NUDT7: variants seen among roughly 807,000 people sequenced by gnomAD.
NUDT7 encodes the protein nudix hydrolase 7, also known as peroxisomal coenzyme A diphosphatase NUDT7.
A neutral mutation model predicts 13.1 loss-of-function variants in NUDT7; 19 were observed. The ratio of observed to expected loss-of-function variants is 1.45; its 90% confidence interval spans 1.01 to 2.13. The LOEUF (loss-of-function observed/expected upper bound fraction) is 2.13, where lower values mean the gene tolerates loss of function less well. Ranked by LOEUF, NUDT7 falls within the 30% of genes most tolerant of loss-of-function variation. NUDT7 has a pLI of 0.00. For missense variants in NUDT7, 360 were observed against 291.7 expected, an observed-to-expected ratio of 1.23 and a Z score of -1.71; for synonymous variants, 132 against 109.7, an observed-to-expected ratio of 1.20 and a Z score of -1.27.
Position 77,735,887 on chromosome 16 carries a change from G to A in NUDT7, c.249G>A (p.Met83Ile), listed in dbSNP as rs1401731628. The A allele has an allele frequency of 6.2e-7, 1 of 1,613,948 alleles. No individual in the cohort carries two copies. Among genetic ancestry groups the A allele is most frequent in the South Asian group, 1.1e-5 (1 of 91,078 alleles). ...GAGGTAAGCGTGACCCTACAGACAT[G>A]GATGATGCAGCCACAGCTCTCCGGG... ...FPGGKRDPTD[M>I]DDAATALREA... Residue 83 changes from methionine to isoleucine, a missense_variant, in exon 3 of 4, where the codon ATG becomes ATA. Met to Ile is a conservative substitution (Grantham distance 10). Coordinates refer to ENST00000268533, the MANE Select transcript of NUDT7 (RefSeq NM_001105663.3).
intron 1 of NUDT7, 44 bp downstream of exon 1, chr16:77,722,661 C>A (rs1418292571): frequency 6.4e-7 from 1 of 1,556,200 alleles, no homozygotes; most frequent in Non-Finnish European, 8.7e-7. Flanking sequence ...TGGTCAGGCC[C>A]GGCCTTGATC....
At chr16:77,727,353 T>A (rs1237621750) in intron 2 of NUDT7, among the ~76,000 whole-genome samples, 6 of 151,744 alleles carry the variant, frequency 4.0e-5, no homozygotes, top group Admixed American at 6.6e-5. Flanking sequence ...AAAAAAAAAA[T>A]GCCAAGGAAT....
At chr16:77,741,430 G>T in intron 3 of NUDT7, 152 bp from the exon 4 acceptor site, 2 of 705,700 alleles carry the variant, frequency 2.8e-6, no homozygotes, top group South Asian at 4.1e-5. Flanking sequence ...TCCCATTTTA[G>T]GGGGAACATA....
chr16:77,736,067 A>C, intron 3 of NUDT7, 81 bp downstream of exon 3: 1 of 1,298,784 alleles, frequency 7.7e-7, no homozygotes, highest in Non-Finnish European at 1.1e-6. Flanking sequence ...ACATTTTCCA[A>C]ACATAACCCC....
intron 3 of NUDT7, among the ~76,000 whole-genome samples, chr16:77,738,734 G>T (rs1320436484): frequency 6.6e-6 from 1 of 152,136 alleles, no homozygotes; most frequent in Non-Finnish European, 1.5e-5. Flanking sequence ...ACCTATGTAT[G>T]TACCCGCTAC....
In NUDT7 at chr16:77,741,870, C is replaced by G. The variant is rs756302542; in HGVS notation, c.637C>G (p.Gln213Glu). ...GGAAAAAAAACCCACCTTTGAGGTT[C>G]AATTTAATCTTAATGATGTATTAGC... ...ILEKKPTFEVQFNLNDVLASS... is the reference protein window; with the variant it reads ...ILEKKPTFEVEFNLNDVLASS... Residue 213 changes from glutamine (Q) to glutamate (E), a missense_variant, in exon 4 of 4, where the codon CAA (glutamine) becomes GAA (glutamate). Physicochemically the swap from Gln to Glu is conservative, Grantham distance 29. Transcript: ENST00000268533. 1 of 1,613,986 alleles carries G rather than the reference C, an allele frequency of 6.2e-7. No individual in the cohort carries two copies. The highest frequency in any genetic ancestry group is 2.2e-5 in the East Asian group (1 of 44,880).
At chr16:77,738,917 C>T (rs2014572738) in intron 3 of NUDT7, among the ~76,000 whole-genome samples, 1 of 152,236 alleles carries the variant, frequency 6.6e-6, no homozygotes, top group Non-Finnish European at 1.5e-5. Flanking sequence ...TGCCCTTGGG[C>T]AAGTTTCTTC....
chr16:77,741,119 A>G (rs2014646218), intron 3 of NUDT7, among the ~76,000 whole-genome samples: 1 of 152,188 alleles, frequency 6.6e-6, no homozygotes, highest in Non-Finnish European at 1.5e-5. Flanking sequence ...AAGGCTACAT[A>G]GTATCCTCTT....
chr16:77,724,573 T>C (rs913193229), intron 1 of NUDT7, among the ~76,000 whole-genome samples: 1 of 152,208 alleles, frequency 6.6e-6, no homozygotes, highest in Non-Finnish European at 1.5e-5. Flanking sequence ...ACTGGGCTCG[T>C]TTCTGCTTCT....
At chr16:77,724,222 G>A (rs994025738) in intron 1 of NUDT7, among the ~76,000 whole-genome samples, 1 of 151,912 alleles carries the variant, frequency 6.6e-6, no homozygotes, top group African/African-American at 2.4e-5. Context: ...TCTTCACATG[G>A]TCTTCTTCCC....
In NUDT7 at chr16:77,725,414, G is replaced by A. The variant is rs781372904; in HGVS notation, c.36-17G>A. 6.2e-7 allele frequency: 1 copy of A among 1,602,236 alleles called. No homozygotes were observed. The highest frequency in any genetic ancestry group is 8.5e-7 in the Non-Finnish European group (1 of 1,172,656). ...CTCTGCTTGCTAAAATGTCTGTCTG[G>A]TTTGTTTTTATTTTAGAAACAGTTT... On this transcript the variant is annotated splice_polypyrimidine_tract_variant and intron_variant, in intron 1 of 3. Coordinates refer to ENST00000268533, the MANE Select transcript of NUDT7 (RefSeq NM_001105663.3).
chr16:77,739,687 G>C (rs2014598855), intron 3 of NUDT7, among the ~76,000 whole-genome samples: 1 of 152,138 alleles, frequency 6.6e-6, no homozygotes, highest in Admixed American at 6.6e-5. Flanking sequence ...CCCTATTCAA[G>C]ATGGAGTTGC....
rs773101981 is a variant in NUDT7, at chr16:77,727,013, G to A, written c.189+1429G>A. 2.6e-5 allele frequency among the ~76,000 whole-genome samples: 4 copies of A among 152,034 alleles called. No homozygotes were observed. In the East Asian group the frequency reaches 5.8e-4, roughly 22 times the overall value. ...ATACCACACACTTTTAAATGGCCCC[G>A]GATCTCATGAGAACTCACTCACTAT... On this transcript the variant is annotated intron_variant, in intron 2 of 3. Coordinates refer to ENST00000268533, the MANE Select transcript of NUDT7 (RefSeq NM_001105663.3).
rs761683048 is a variant in NUDT7, at chr16:77,735,839, C to A, written c.201C>A (p.Ala67=). The A allele has an allele frequency of 7.4e-6, 12 of 1,613,402 alleles. 1 individual carries two copies. In the South Asian group the frequency reaches 1.2e-4, roughly 16 times the overall value. ...FTVRSEKLRR[A]PGEVCFPGGK... is the part of the protein sequence containing the mutation. Reference sequence around the variant, plus strand: ...CTTTCTATATCCAGCTAAGAAGGGCCCCTGGAGAAGTTTGCTTCCCTGGAG... The same window carrying A: ...CTTTCTATATCCAGCTAAGAAGGGCACCTGGAGAAGTTTGCTTCCCTGGAG... Residue 67 remains alanine, a synonymous_variant, in exon 3 of 4, where the codon GCC becomes GCA. Transcript: ENST00000268533.
intron 2 of NUDT7, among the ~76,000 whole-genome samples, chr16:77,734,009 A>G (rs2014399399): frequency 6.6e-6 from 1 of 152,200 alleles, no homozygotes; most frequent in Admixed American, 6.5e-5. Flanking sequence ...TTAGGATGCT[A>G]TAGAGACACT....
At chr16:77,737,129 A>C (rs2014512412) in intron 3 of NUDT7, among the ~76,000 whole-genome samples, 1 of 152,194 alleles carries the variant, frequency 6.6e-6, no homozygotes, top group Admixed American at 6.5e-5. Flanking sequence ...CACAACAAAG[A>C]AACCAGTGTC....
rs973584391 is a variant in NUDT7 at position 77,741,822 on chromosome 16, G to C, written c.589G>C (p.Val197Leu). The change falls in exon 4 of 4, where the codon GTG becomes CTG. Residue 197 changes from valine to leucine, a missense_variant. Val to Leu is a conservative substitution (Grantham distance 32). Coordinates refer to ENST00000268533, the MANE Select transcript of NUDT7 (RefSeq NM_001105663.3). ...CAAGGGAATGACGGCAAACCTTGCAGTGTTGGTGGCCTTTATCATTTTGGA... is the reference window on the plus strand; with the variant it reads ...CAAGGGAATGACGGCAAACCTTGCACTGTTGGTGGCCTTTATCATTTTGGA... The part of the protein sequence containing the change: ...QIKGMTANLA[V>L]LVAFIILEKK... The C allele has an allele frequency of 1.2e-6, 2 of 1,614,056 alleles. No individual in the cohort carries two copies. The highest frequency in any genetic ancestry group is 2.7e-5 in the African/African-American group (2 of 74,930).
At chr16:77,728,081 A>T (rs1844369247) in intron 2 of NUDT7, among the ~76,000 whole-genome samples, 1 of 152,068 alleles carries the variant, frequency 6.6e-6, no homozygotes, top group African/African-American at 2.4e-5. Flanking sequence ...TGTAGGGGTG[A>T]GAAATTCCCT....
intron 1 of NUDT7, among the ~76,000 whole-genome samples, chr16:77,724,740 C>T (rs189385369): frequency 5.3e-5 from 8 of 152,360 alleles, no homozygotes; most frequent in Admixed American, 5.2e-4. Flanking sequence ...CAGTAGAACA[C>T]ACCTGTCAAA....
Sources: allele counts gnomAD v4.1 joint callset (sites outside exome capture counted in the v4.1 genomes callset), GRCh38; gene constraint gnomAD v4.1.1; transcripts MANE v1.5; gene names NCBI Gene and HGNC (gene_info 2026-07-23, HGNC 2026-07-21).